TMEM38B: variants seen among roughly 807,000 people sequenced by gnomAD.
TMEM38B encodes transmembrane protein 38B.
In TMEM38B, 24 loss-of-function variants were observed where a neutral mutation model predicts 28.7. The ratio of observed to expected loss-of-function variants is 0.84; its 90% confidence interval spans 0.61 to 1.18. The LOEUF (loss-of-function observed/expected upper bound fraction) is 1.18. TMEM38B is among the 50% of genes most tolerant of loss of function. The pLI is 0.00. For missense variants in TMEM38B, 380 were observed against 350.9 expected (o/e 1.08, Z -0.66); for synonymous variants, 131 against 127.7 (o/e 1.03, Z -0.17).
At chr9:105,735,983 T>C (rs1398851984) in intron 4 of TMEM38B, among the ~76,000 whole-genome samples, 1 of 152,108 alleles carries the variant, frequency 6.6e-6, no homozygotes, top group Admixed American at 6.6e-5. Flanking sequence ...CTTCCCCTCC[T>C]CAGCCTCTCA....
chr9:105,756,738 C>T (rs890101649), intron 5 of TMEM38B, among the ~76,000 whole-genome samples: 2 of 151,960 alleles, frequency 1.3e-5, no homozygotes, highest in Non-Finnish European at 2.9e-5. Context: ...AATAGGAAAA[C>T]GTACAATGTT....
In TMEM38B at chr9:105,720,923, G is replaced by T. The variant is rs375916983; in HGVS notation, c.270-614G>T. On this transcript the variant is annotated intron_variant, in intron 2 of 5. Coordinates refer to ENST00000374692, the MANE Select transcript of TMEM38B (RefSeq NM_018112.3). ...TTATTTTTAATCACAGTTTAATTTG[G>T]TTAAAACTTAAGCTTAGTGAACTAA... Among the ~76,000 whole-genome samples, 184 of 152,174 alleles carry T rather than the reference G, an allele frequency of 1.2e-3. 1 individual carries two copies. The highest frequency in any genetic ancestry group is 4.2e-3 in the African/African-American group (174 of 41,538).
At chr9:105,736,055 G>GTTTT (rs59000736) in intron 4 of TMEM38B, among the ~76,000 whole-genome samples, 1 of 135,736 alleles carries the variant, frequency 7.4e-6, no homozygotes, top group Non-Finnish European at 1.6e-5. Flanking sequence ...CATTTTTTTT[G>GTTTT]TTTTTTTTTT....
intron 5 of TMEM38B, among the ~76,000 whole-genome samples, chr9:105,748,836 G>T (rs1339776944): frequency 1.3e-5 from 2 of 152,124 alleles, no homozygotes; most frequent in African/African-American, 2.4e-5. Flanking sequence ...GTATCATGAG[G>T]CTAATTCTGA....
At chr9:105,729,168 T>C (rs1443323593) in intron 4 of TMEM38B, among the ~76,000 whole-genome samples, 1 of 152,246 alleles carries the variant, frequency 6.6e-6, no homozygotes, top group African/African-American at 2.4e-5. Flanking sequence ...GCCTATGTCC[T>C]GAATGGCATT....
chr9:105,722,709 A>G (rs1174139641), intron 4 of TMEM38B, 88 bp downstream of exon 4: 15 of 1,009,832 alleles, frequency 1.5e-5, no homozygotes, highest in Non-Finnish European at 2.3e-5. Context: ...GGGACTTTAA[A>G]TGTGGGTGGA....
chr9:105,739,197 A>G (rs1381403792), intron 4 of TMEM38B, among the ~76,000 whole-genome samples: 1 of 152,064 alleles, frequency 6.6e-6, no homozygotes, highest in Admixed American at 6.5e-5. Flanking sequence ...TGTCTGTTCT[A>G]TTCCATTGTC....
Position 105,697,886 on chromosome 9 carries a change from A to G in TMEM38B, c.112+3114A>G, listed in dbSNP as rs542068894. Among the ~76,000 whole-genome samples the G allele has an allele frequency of 1.3e-4, 20 of 152,200 alleles. No individual in the cohort carries two copies. In the Middle Eastern group the frequency reaches 0.014, roughly 104 times the overall value. ...CCTTGATCTTTTTTTAAAAAATTCT[A>G]TAGTTCTATAAAAGTATAGGTTCGT... On this transcript the variant is annotated intron_variant, in intron 1 of 5. Coordinates refer to ENST00000374692, the MANE Select transcript of TMEM38B (RefSeq NM_018112.3).
At chr9:105,760,094 A>G in intron 5 of TMEM38B, 1 of 938,888 alleles carries the variant, frequency 1.1e-6, no homozygotes, top group Non-Finnish European at 1.7e-6. Flanking sequence ...CTGCAACCTC[A>G]TTTAGAGAGG....
chr9:105,697,919 C>G (rs1835341426), intron 1 of TMEM38B, among the ~76,000 whole-genome samples: 1 of 152,008 alleles, frequency 6.6e-6, no homozygotes, highest in Non-Finnish European at 1.5e-5. Context: ...CGTAATCTAT[C>G]TGCAGTATTT....
At position 105,732,884 on chromosome 9, in the gene TMEM38B, A is replaced by G. The variant is rs146659657; in HGVS notation, c.542+10263A>G. Among the ~76,000 whole-genome samples the G allele has an allele frequency of 9.4e-4, 143 of 152,308 alleles. 2 individuals carry two copies. In the East Asian group the frequency reaches 0.023, roughly 25 times the overall value. On this transcript the variant is annotated intron_variant, in intron 4 of 5. Transcript: ENST00000374692. Reference sequence around the variant, plus strand: ...GGTTGATGGGGATGACACTGAATCTATAAATTACCTTGGACAGTATGGCCA... The same window carrying G: ...GGTTGATGGGGATGACACTGAATCTGTAAATTACCTTGGACAGTATGGCCA...
chr9:105,748,762 T>C (rs371787367), intron 5 of TMEM38B, among the ~76,000 whole-genome samples: 49 of 152,244 alleles, frequency 3.2e-4, no homozygotes, highest in African/African-American at 1.1e-3. Flanking sequence ...GTTGAGAGGA[T>C]TGGAGAGGAT....
At chr9:105,761,466 T>C (rs1413626651) in intron 5 of TMEM38B, among the ~76,000 whole-genome samples, 2 of 152,198 alleles carry the variant, frequency 1.3e-5, no homozygotes, top group Non-Finnish European at 1.5e-5. Flanking sequence ...AAGATACTTA[T>C]TTAGCAACTG....
chr9:105,717,724 G>A (rs1189373465), intron 2 of TMEM38B, among the ~76,000 whole-genome samples: 1 of 152,062 alleles, frequency 6.6e-6, no homozygotes, highest in Admixed American at 6.6e-5. Flanking sequence ...TTTGTATGTA[G>A]CTGTAGAACA....
intron 5 of TMEM38B, among the ~76,000 whole-genome samples, chr9:105,767,510 T>C (rs1826414706): frequency 1.3e-5 from 2 of 152,322 alleles, no homozygotes; most frequent in South Asian, 4.1e-4. Context: ...TGAGATTGCA[T>C]CTATAGATTA....
At chr9:105,723,712 G>A (rs1174280962) in intron 4 of TMEM38B, among the ~76,000 whole-genome samples, 1 of 151,914 alleles carries the variant, frequency 6.6e-6, no homozygotes, top group East Asian at 1.9e-4. Flanking sequence ...TTTTATTTTT[G>A]TAGAGATGGG....
intron 4 of TMEM38B, 77 bp from the exon 5 acceptor site, chr9:105,747,996 T>C (rs1472650421): frequency 4.3e-6 from 4 of 922,864 alleles, no homozygotes; most frequent in South Asian, 2.9e-5. Flanking sequence ...AGTTAATGTT[T>C]TGCAGTGCAC....
At chr9:105,773,294 CA>C in intron 5 of TMEM38B, among the ~76,000 whole-genome samples, 1 of 152,252 alleles carries the variant, frequency 6.6e-6, no homozygotes, top group South Asian at 2.1e-4. Context: ...GGACATTCTA[CA>C]ATCTGTTGAG....
chr9:105,744,888 T>A (rs1364922432), intron 4 of TMEM38B, among the ~76,000 whole-genome samples: 1 of 152,218 alleles, frequency 6.6e-6, no homozygotes, highest in Admixed American at 6.5e-5. Flanking sequence ...GTTTCCAGCT[T>A]CATCCATGTC....
Sources: gnomAD v4.1 joint callset for allele counts (sites outside exome capture counted in the v4.1 genomes callset) on GRCh38, gnomAD v4.1.1 for gene constraint, MANE v1.5 for transcripts, NCBI Gene and HGNC (gene_info 2026-07-23, HGNC 2026-07-21) for gene names.